Variants in NBR1 observed in about 807,000 individuals in gnomAD.
NBR1 encodes the protein next to BRCA1 gene 1 protein.
In NBR1, 59 loss-of-function variants were observed where a neutral mutation model predicts 115.5. That is an observed-to-expected ratio of 0.51 (90% CI 0.41 to 0.63). NBR1 has a LOEUF of 0.63. NBR1 is among the 30% of genes least tolerant of loss of function. The pLI is 0.00. For missense variants in NBR1, 1,043 were observed against 1,150.5 expected, an observed-to-expected ratio of 0.91 and a Z score of 1.35; for synonymous variants, 373 against 414.7, an observed-to-expected ratio of 0.90 and a Z score of 1.22.
chr17:43,193,227 A>T lies in NBR1; in HGVS notation c.1207A>T (p.Asn403Tyr). The change falls in exon 11 of 21, where the codon AAT becomes TAT. Residue 403 changes from asparagine (N) to tyrosine (Y), a missense_variant. Coordinates refer to ENST00000590996, the MANE Select transcript of NBR1 (RefSeq NM_005899.5). Reference protein sequence around the residue: ...IKHWRMKNTGNVKWSADTKLK... With the variant: ...IKHWRMKNTGYVKWSADTKLK... ...ACACTGGAGGATGAAAAATACAGGAAATGTAAAGTGGAGTGCAGACACAAA... is the reference window on the plus strand; with the variant it reads ...ACACTGGAGGATGAAAAATACAGGATATGTAAAGTGGAGTGCAGACACAAA... 6.2e-7 allele frequency: 1 copy of T among 1,613,956 alleles called. No homozygotes were observed. Among genetic ancestry groups the T allele is most frequent in the Non-Finnish European group, 8.5e-7 (1 of 1,179,870 alleles).
chr17:43,188,955 A>T (rs972170658), intron 6 of NBR1, 87 bp from the exon 7 acceptor site: 60 of 968,164 alleles, frequency 6.2e-5, no homozygotes, highest in Non-Finnish European at 9.1e-5. Context: ...TGATTTCACA[A>T]AAGAAACCTC....
chr17:43,204,335 A>C (rs1218826648), intron 20 of NBR1, among the ~76,000 whole-genome samples: 1 of 152,106 alleles, frequency 6.6e-6, no homozygotes, highest in Non-Finnish European at 1.5e-5. Flanking sequence ...TTTTCTATAG[A>C]GAGAAGCTAT....
At chr17:43,174,882 T>C (rs1344668930) in intron 1 of NBR1, among the ~76,000 whole-genome samples, 1 of 149,118 alleles carries the variant, frequency 6.7e-6, no homozygotes, top group Non-Finnish European at 1.5e-5. Flanking sequence ...GATCATGAGG[T>C]CAGGAGATCG....
In NBR1 at chr17:43,191,515, A is replaced by G. The variant is rs1481501850; in HGVS notation, c.1007A>G (p.His336Arg). ...AAAATTCACCTGTGGAATTCAATCC[A>G]TGGACTCCAGAGCCCCAAGTCTCCT... ...HRKIHLWNSI[H>R]GLQSPKSPLG... Residue 336 changes from histidine (H) to arginine (R), a missense_variant, in exon 10 of 21, where the codon CAT becomes CGT. Physicochemically the swap from His to Arg is conservative, Grantham distance 29. Transcript: ENST00000590996. 1 of 1,613,468 alleles carries G rather than the reference A, an allele frequency of 6.2e-7. No homozygotes were observed. The highest frequency in any genetic ancestry group is 8.5e-7 in the Non-Finnish European group (1 of 1,179,646).
At chr17:43,195,392 C>T (rs557715544) in intron 14 of NBR1, 16 of 271,996 alleles carry the variant, frequency 5.9e-5, no homozygotes, top group South Asian at 5.2e-4. Context: ...TGGCTCACGC[C>T]TGTAATCCCA....
At chr17:43,201,902 A>G (rs36107656) in intron 18 of NBR1, 122 bp downstream of exon 18, 229,336 of 643,006 alleles carry the variant, frequency 0.36, 42,068 homozygotes, top group South Asian at 0.5. Flanking sequence ...TTCACAGGCC[A>G]GGCGTGGTGG....
upstream of NBR1, chr17:43,170,819 T>C (rs1275430652): frequency 6.6e-6 from 1 of 152,196 alleles, no homozygotes; most frequent in Non-Finnish European, 1.5e-5. Flanking sequence ...CAGTAATGGA[T>C]TGGAGTGTTG....
intron 20 of NBR1, among the ~76,000 whole-genome samples, chr17:43,208,509 C>G (rs1222930877): frequency 6.6e-6 from 1 of 152,084 alleles, no homozygotes; most frequent in Non-Finnish European, 1.5e-5. Context: ...AACAACCCTG[C>G]AAAGTAGGAG....
rs75035108 is a variant in NBR1 at position 43,179,021 on chromosome 17, C to G, written c.166-373C>G. Among the ~76,000 whole-genome samples the G allele has an allele frequency of 6.2e-3, 938 of 152,172 alleles. 24 individuals carry two copies. The highest frequency in any genetic ancestry group is 0.039 in the East Asian group (201 of 5,170). ...ACAGTGTGTCAGACTAGCCACAGTA[C>G]CATGTATTGAGTACATTATTATCAT... On this transcript the variant is annotated intron_variant, in intron 3 of 20. Coordinates refer to ENST00000590996, the MANE Select transcript of NBR1 (RefSeq NM_005899.5).
At chr17:43,185,917 T>A (rs1394591289) in intron 5 of NBR1, among the ~76,000 whole-genome samples, 1 of 151,706 alleles carries the variant, frequency 6.6e-6, no homozygotes, top group Non-Finnish European at 1.5e-5. Context: ...AGGAGAATCG[T>A]TTGAACCCAG....
Position 43,189,126 on chromosome 17 carries a change from G to A in NBR1, c.480+7G>A. 1.3e-6 allele frequency: 2 copies of A among 1,596,928 alleles called. No homozygotes were observed. The highest frequency in any genetic ancestry group is 1.7e-6 in the Non-Finnish European group (2 of 1,164,398). On this transcript the variant is annotated splice_region_variant and intron_variant, in intron 7 of 20. Transcript: ENST00000590996. Reference sequence around the variant, plus strand: ...CACAAGCTACCTGGAGACGGTGAGTGTTCTGTCTCGCTTGGGTTTTAACTG... The same window carrying A: ...CACAAGCTACCTGGAGACGGTGAGTATTCTGTCTCGCTTGGGTTTTAACTG...
intron 2 of NBR1, 172 bp downstream of exon 2, chr17:43,176,073 C>A: frequency 4.1e-6 from 2 of 493,416 alleles, no homozygotes; most frequent in South Asian, 3.7e-5. Context: ...ATGAGATGTG[C>A]CCCAATAAAG....
chr17:43,200,519 C>T lies in NBR1; in HGVS notation c.2379C>T (p.His793=). 1.2e-6 allele frequency: 2 copies of T among 1,614,008 alleles called. No individual in the cohort carries two copies. Among genetic ancestry groups the T allele is most frequent in the Non-Finnish European group, 1.7e-6 (2 of 1,179,894 alleles). Reference sequence around the variant, plus strand: ...GAGGGGAGAACCAGCCACAGGAGCACAGCATAAGTGACATCCTCACGACCT... The same window carrying T: ...GAGGGGAGAACCAGCCACAGGAGCATAGCATAAGTGACATCCTCACGACCT... ...LPGGENQPQE[H]SISDILTTSQ... The change falls in exon 17 of 21, where the codon CAC becomes CAT. Residue 793 remains histidine, a synonymous_variant. Coordinates refer to ENST00000590996, the MANE Select transcript of NBR1 (RefSeq NM_005899.5).
At chr17:43,204,589 G>A (rs1016311357) in intron 20 of NBR1, among the ~76,000 whole-genome samples, 4 of 151,940 alleles carry the variant, frequency 2.6e-5, no homozygotes, top group Non-Finnish European at 5.9e-5. Context: ...GCCGAGGCAG[G>A]CCGGATCACA....
At position 43,200,261 on chromosome 17, in the gene NBR1, TGAG is replaced by T; in HGVS notation, c.2127_2129del (p.Glu709del). 5.2e-6 allele frequency: 8 copies of T among 1,549,018 alleles called. No individual in the cohort carries two copies. Among genetic ancestry groups the T allele is most frequent in the Non-Finnish European group, 7.0e-6 (8 of 1,145,044 alleles). The stretch of plus-strand genomic sequence containing the variant: ...AAGCTGTCATGGAGGAGGAGGAGGA[TGAG>T]GAGGATGAGGAGGAGGAGGATGAGC... On this transcript the variant is annotated inframe_deletion, in exon 17 of 21. Transcript: ENST00000590996.
Position 43,173,121 on chromosome 17 carries a change from C to T in NBR1, c.-10+1819C>T, listed in dbSNP as rs150649435. Among the ~76,000 whole-genome samples the T allele has an allele frequency of 5.1e-4, 78 of 152,132 alleles. 3 individuals carry two copies. The East Asian group carries it at 0.014, about 27-fold the overall frequency. On this transcript the variant is annotated intron_variant, in intron 1 of 20. Transcript: ENST00000590996. ...GATTACAGGCGTGAGCCACCACATC[C>T]GGCCCTATTATTTTTTAAAATGTTT...
intron 14 of NBR1, chr17:43,196,207 C>T (rs1333813910): frequency 3.5e-6 from 1 of 282,964 alleles, no homozygotes; most frequent in African/African-American, 2.3e-5. Flanking sequence ...CCTCTAGATA[C>T]TTGTGTCCTT....
rs66857389 is a variant in NBR1, at chr17:43,187,886, CTTTTTTTTTTT to C, written c.403-1144_403-1134del. Among the ~76,000 whole-genome samples the C allele has an allele frequency of 5.1e-5, 3 of 58,912 alleles. No homozygotes were observed. In the South Asian group the frequency reaches 2.0e-3, roughly 40 times the overall value. 38.6% of individuals were successfully genotyped at this position (58,912 alleles called of 152,430 possible). A position where few individuals can be genotyped will look rare whatever the true frequency, so the allele number is the denominator to read the frequency against. ...CATTGCGGTTTTGATTTGCATTTCT[CTTTTTTTTTTT>C]TTTTTTTTTTTGAGATGGAGTCTCA... On this transcript the variant is annotated intron_variant, in intron 6 of 20. Transcript: ENST00000590996.
intron 5 of NBR1, among the ~76,000 whole-genome samples, chr17:43,181,955 G>T (rs1383490885): frequency 2.0e-5 from 3 of 151,622 alleles, no homozygotes; most frequent in Non-Finnish European, 2.9e-5. Context: ...TTGCACTCCA[G>T]CCTGGGCAAC....
Sources: gnomAD v4.1 joint callset for allele counts (sites outside exome capture counted in the v4.1 genomes callset) on GRCh38, gnomAD v4.1.1 for gene constraint, MANE v1.5 for transcripts, NCBI Gene and HGNC (gene_info 2026-07-23, HGNC 2026-07-21) for gene names.